Variants in NCOA4 observed in about 807,000 individuals in gnomAD.
The protein encoded by NCOA4 is 70 kDa AR-activator.
NCOA4 carries 31 observed loss-of-function variants against 69.5 expected under a neutral mutation model. That is an observed-to-expected ratio of 0.45 (90% CI 0.34 to 0.60). The LOEUF (loss-of-function observed/expected upper bound fraction) is 0.60, where lower values mean the gene tolerates loss of function less well. Ranked by LOEUF, NCOA4 falls within the 20% of genes least tolerant of loss-of-function variation. The pLI is 0.02. For missense variants in NCOA4, 600 were observed against 719.2 expected (o/e 0.83, Z 1.90); for synonymous variants, 228 against 252.4 (o/e 0.90, Z 0.92).
intron 1 of NCOA4, among the ~76,000 whole-genome samples, chr10:46,021,864 C>T (rs1554924435): frequency 6.6e-6 from 1 of 152,162 alleles, no homozygotes. Context: ...GAGGCTGAGG[C>T]AGGAGAATCG....
chr10:46,015,288 G>A (rs1839471532), intron 2 of NCOA4, 22 bp from the exon 3 acceptor site: 1 of 1,436,934 alleles, frequency 7.0e-7, no homozygotes, highest in Non-Finnish European at 9.3e-7. Context: ...ATACATGTTA[G>A]CTTCCTAGTG....
At chr10:46,018,625 AG>A (rs1354411786) in intron 1 of NCOA4, among the ~76,000 whole-genome samples, 2 of 152,236 alleles carry the variant, frequency 1.3e-5, no homozygotes, top group African/African-American at 4.8e-5. Flanking sequence ...AGACGTCTCC[AG>A]GAGGACATGA....
intron 1 of NCOA4, among the ~76,000 whole-genome samples, chr10:46,018,466 A>T (rs1839694335): frequency 6.6e-6 from 1 of 152,238 alleles, no homozygotes; most frequent in South Asian, 2.1e-4. Context: ...AGTGTTTGTC[A>T]CAGGATTAGC....
chr10:46,019,369 CGT>C, intron 1 of NCOA4: 2 of 985,406 alleles, frequency 2.0e-6, no homozygotes, highest in Non-Finnish European at 2.4e-6. Context: ...AGAGCTGGAG[CGT>C]GATGGGCTGC....
In NCOA4 at chr10:46,006,538, A is replaced by G. The variant is rs1838819354; in HGVS notation, c.*54T>C. Reference sequence around the variant, plus strand: ...AAGATTTGGCAAGCTGCAGTCACTCAGCTCATGATGTGTGATAATCAGCAG... The same window carrying G: ...AAGATTTGGCAAGCTGCAGTCACTCGGCTCATGATGTGTGATAATCAGCAG... On this transcript the variant is annotated 3_prime_UTR_variant, in exon 10 of 10. Transcript: ENST00000581486. The G allele has an allele frequency of 1.2e-6, 2 of 1,607,418 alleles. No individual in the cohort carries two copies. The highest frequency in any genetic ancestry group is 1.7e-6 in the Non-Finnish European group (2 of 1,174,834).
chr10:46,010,573 G>A lies in NCOA4; in HGVS notation c.1348C>T (p.Pro450Ser). 1.2e-6 allele frequency: 2 copies of A among 1,614,084 alleles called. No individual in the cohort carries two copies. Among genetic ancestry groups the A allele is most frequent in the South Asian group, 1.1e-5 (1 of 91,078 alleles). ...NGMPVEPKPE[P>S]EKHKDSLNMW... ...TTCAGGGAATCTTTATGCTTCTCAGGCTCAGGTTTGGGTTCCACAGGCATC... is the reference window on the plus strand; with the variant it reads ...TTCAGGGAATCTTTATGCTTCTCAGACTCAGGTTTGGGTTCCACAGGCATC... The change falls in exon 8 of 10, where the codon CCT (proline) becomes TCT (serine). Residue 450 changes from proline to serine, a missense_variant. Physicochemically the swap from Pro to Ser is moderately conservative, Grantham distance 74 (BLOSUM62 -1). Transcript: ENST00000581486.
Position 46,013,529 on chromosome 10 carries a change from A to G in NCOA4, c.570+21T>C, listed in dbSNP as rs184277426. On this transcript the variant is annotated intron_variant, in intron 6 of 9. Transcript: ENST00000581486. ...TAAGCCAAGTAATGACTCAATTACC[A>G]AAAACAAAATGATATTTTACCTGCT... The G allele has an allele frequency of 5.5e-4, 863 of 1,568,378 alleles. 4 individuals are homozygous for G. The African/African-American group carries it at 9.7e-3, about 18-fold the overall frequency.
intron 7 of NCOA4, among the ~76,000 whole-genome samples, chr10:46,012,056 G>A (rs1447315853): frequency 1.3e-5 from 1 of 79,276 alleles, no homozygotes; most frequent in Non-Finnish European, 2.2e-5. Context: ...GCAAGACTCG[G>A]TCTCAAAAAG....
rs1554919842 is a variant in NCOA4 at position 46,006,615 on chromosome 10, C to T, written c.1840-18G>A. The T allele has an allele frequency of 6.2e-7, 1 of 1,613,964 alleles. No individual in the cohort carries two copies. On this transcript the variant is annotated intron_variant, in intron 9 of 9. Coordinates refer to ENST00000581486, the MANE Select transcript of NCOA4 (RefSeq NM_001145263.2). ...CTTCACATCTGTAAAGAGACACCCA[C>T]AGATGATAAGTTACTTCAATGAAGA...
intron 6 of NCOA4, 32 bp downstream of exon 6, chr10:46,013,518 A>G: frequency 6.8e-7 from 1 of 1,476,206 alleles, no homozygotes. Flanking sequence ...CCAAGTAATG[A>G]CTCAATTACC....
intron 7 of NCOA4, among the ~76,000 whole-genome samples, chr10:46,011,758 A>C (rs757700772): frequency 6.6e-4 from 100 of 150,608 alleles, no homozygotes; most frequent in South Asian, 8.4e-4. Flanking sequence ...AGCCTAATAA[A>C]CATGAAAATA....
chr10:46,010,267 A>C lies in NCOA4; in HGVS notation c.1654T>G (p.Leu552Val), dbSNP rs781826659. 17 of 1,612,950 alleles carry C rather than the reference A, an allele frequency of 1.1e-5. No individual in the cohort carries two copies. Among genetic ancestry groups the C allele is most frequent in the Non-Finnish European group, 1.0e-5 (12 of 1,179,696 alleles). The change falls in exon 8 of 10, where the codon TTA (leucine) becomes GTA (valine). Residue 552 changes from leucine to valine, a missense_variant. Leu to Val is a conservative substitution (Grantham distance 32). Transcript: ENST00000581486. Reference sequence around the variant, plus strand: ...AGCCACTTGTCTTCTCCAGAAGATAACTGGCTGAGGTTGCCCATCTTCTTT... The same window carrying C: ...AGCCACTTGTCTTCTCCAGAAGATACCTGGCTGAGGTTGCCCATCTTCTTT... ...PGKKMGNLSQ[L>V]SSGEDKWLLR...
intron 5 of NCOA4, among the ~76,000 whole-genome samples, chr10:46,014,044 A>T (rs1269712257): frequency 6.7e-6 from 1 of 150,374 alleles, no homozygotes; most frequent in Non-Finnish European, 1.5e-5. Flanking sequence ...TTTTTTTTTT[A>T]GGCGGAGTCT....
At chr10:46,012,085 A>AAAAAAAAAAAAAAAAAAAAC (rs1839257440) in intron 7 of NCOA4, among the ~76,000 whole-genome samples, 1 of 137,400 alleles carries the variant, frequency 7.3e-6, no homozygotes, top group Non-Finnish European at 1.5e-5. Context: ...AAAAAAAAAA[A>AAAAAAAAAAAAAAAAAAAAC]AAAAAAAAAA....
chr10:46,009,522 C>G lies in NCOA4; in HGVS notation c.1728G>C (p.Glu576Asp). ...AATGGTCTGGGGGGAAGTTATGTTC[C>G]TCCTGTAGAGGTGAATTAAGTAATA... ...QEVLLNSPLQ[E>D]EHNFPPDHYG... The change falls in exon 9 of 10, where the codon GAG becomes GAC. Residue 576 changes from glutamate to aspartate, a missense_variant. Transcript: ENST00000581486. The G allele has an allele frequency of 2.5e-6, 4 of 1,610,614 alleles. No homozygotes were observed. The highest frequency in any genetic ancestry group is 3.4e-6 in the Non-Finnish European group (4 of 1,179,136).
intron 4 of NCOA4, 81 bp from the exon 5 acceptor site, chr10:46,014,633 G>C (rs1462477105): frequency 9.5e-7 from 1 of 1,052,046 alleles, no homozygotes; most frequent in Non-Finnish European, 1.4e-6. Flanking sequence ...GCCAAATTGT[G>C]AGTAATTTTA....
rs1461703968 is a variant in NCOA4, at chr10:46,010,757, A to G, written c.1164T>C (p.Asp388=). 6.2e-7 allele frequency: 1 copy of G among 1,613,900 alleles called. No homozygotes were observed. Among genetic ancestry groups the G allele is most frequent in the Non-Finnish European group, 8.5e-7 (1 of 1,179,834 alleles). Residue 388 remains aspartate (D), a synonymous_variant, in exon 8 of 10, where the codon GAT becomes GAC. Coordinates refer to ENST00000581486, the MANE Select transcript of NCOA4 (RefSeq NM_001145263.2). ...GGTCCTGATGGTTCTGGACAAGCCA[A>G]TCCTCTGTAACCATGCTGGGGGTGG... is the stretch of plus-strand genomic sequence containing the variant. The part of the protein sequence containing the change: ...PLSTPSMVTE[D]WLVQNHQDPC...
At chr10:46,018,323 C>T (rs868993342) in intron 1 of NCOA4, among the ~76,000 whole-genome samples, 5 of 152,100 alleles carry the variant, frequency 3.3e-5, no homozygotes, top group African/African-American at 1.2e-4. Flanking sequence ...TTAGGGAGGG[C>T]AAGGAAGAGA....
rs1409368143 is a variant in NCOA4 at position 46,009,636 on chromosome 10, ATAATT to A, written c.1699-90_1699-86del. On this transcript the variant is annotated intron_variant, in intron 8 of 9. Coordinates refer to ENST00000581486, the MANE Select transcript of NCOA4 (RefSeq NM_001145263.2). ...ATCTTCCAAATAGGGTCTACAGAGA[ATAATT>A]TAAATGTTGGCCATTCTCTGTAACA... 7 of 1,267,202 alleles carry A rather than the reference ATAATT, an allele frequency of 5.5e-6. No homozygotes were observed. The African/African-American group carries it at 1.1e-4, about 19-fold the overall frequency. The allele number at this position is 1,267,202 out of a possible 1,614,324, so 78.5% of individuals were successfully genotyped here.
Sources: allele counts gnomAD v4.1 joint callset (sites outside exome capture counted in the v4.1 genomes callset), GRCh38; gene constraint gnomAD v4.1.1; transcripts MANE v1.5; gene names NCBI Gene and HGNC (gene_info 2026-07-23, HGNC 2026-07-21).